Variants in BPTF observed in about 807,000 individuals in gnomAD.
BPTF encodes bromodomain PHD finger transcription factor.
In BPTF, 18 loss-of-function variants were observed where a neutral mutation model predicts 292.5. The observed-to-expected ratio is 0.06, with a 90% CI of 0.04 to 0.09. The LOEUF (loss-of-function observed/expected upper bound fraction) is 0.09. BPTF is among the 10% of genes least tolerant of loss of function. The pLI, the probability that BPTF is intolerant of heterozygous loss-of-function variation, is 1.00. For missense variants in BPTF, 2,726 were observed against 3,498.7 expected, an observed-to-expected ratio of 0.78 and a Z score of 5.57; for synonymous variants, 1,225 against 1,251.9, an observed-to-expected ratio of 0.98 and a Z score of 0.45.
intron 26 of BPTF, among the ~76,000 whole-genome samples, chr17:67,968,385 T>C (rs2068362680): frequency 6.6e-6 from 1 of 151,582 alleles, no homozygotes; most frequent in Non-Finnish European, 1.5e-5. Flanking sequence ...ATATTTCAAA[T>C]TTGGGTAGTC....
At chr17:67,863,270 A>G (rs1223439551) in intron 2 of BPTF, among the ~76,000 whole-genome samples, 1 of 151,890 alleles carries the variant, frequency 6.6e-6, no homozygotes, top group Admixed American at 6.6e-5. Flanking sequence ...TGCTGCCTCT[A>G]TGCTACCTTC....
chr17:67,926,316 CTTTTTT>C (rs869295387), intron 15 of BPTF, among the ~76,000 whole-genome samples: 1 of 83,856 alleles, frequency 1.2e-5, no homozygotes, highest in Non-Finnish European at 2.3e-5. Context: ...TAATATACTA[CTTTTTT>C]TTTTTTTTTT....
chr17:67,937,349 C>T (rs9905126), intron 18 of BPTF, among the ~76,000 whole-genome samples: 11,622 of 148,758 alleles, frequency 0.078, 1,527 homozygotes, highest in African/African-American at 0.27. Context: ...CCCAGCTACT[C>T]GGGAGGCTGA....
chr17:67,836,911 G>A lies in BPTF; in HGVS notation c.613+10574G>A, dbSNP rs928290200. 2.6e-5 allele frequency among the ~76,000 whole-genome samples: 4 copies of A among 152,182 alleles called. No homozygotes were observed. In the East Asian group the frequency reaches 7.7e-4, roughly 29 times the overall value. ...CATACATATTTGAACTTTTGAGTCT[G>A]AATTATCCAGGTGAAATGCATTGGA... On this transcript the variant is annotated intron_variant, in intron 1 of 27. Transcript: ENST00000306378.
In BPTF at chr17:67,975,860, C is replaced by T; in HGVS notation, c.8628C>T (p.Asn2876=). The T allele has an allele frequency of 6.2e-7, 1 of 1,614,028 alleles. No individual in the cohort carries two copies. The highest frequency in any genetic ancestry group is 1.1e-5 in the South Asian group (1 of 91,060). ...FVADMTKIFD[N]CRYYNPSDSP... ...CAGATATGACCAAAATTTTTGATAA[C>T]TGTCGTTACTACAATCCAAGTGACT... The change falls in exon 27 of 28, where the codon AAC becomes AAT. Residue 2876 remains asparagine, a synonymous_variant. Transcript: ENST00000306378.
chr17:67,934,054 A>G (rs930523177), intron 18 of BPTF, among the ~76,000 whole-genome samples: 1 of 150,820 alleles, frequency 6.6e-6, no homozygotes, highest in Non-Finnish European at 1.5e-5. Context: ...CAGAAAAAAG[A>G]AAAAAAAAAT....
chr17:67,850,430 A>G (rs1372264531), intron 1 of BPTF, among the ~76,000 whole-genome samples: 13 of 152,148 alleles, frequency 8.5e-5, no homozygotes, highest in Non-Finnish European at 1.3e-4. Flanking sequence ...TGGCAGTAGC[A>G]TGATCTCGGC....
chr17:67,940,493 C>T lies in BPTF; in HGVS notation c.6314C>T (p.Ala2105Val), dbSNP rs1555671395. The stretch of plus-strand genomic sequence containing the variant: ...ATCAGGGGGCAGCCTGTCTCCACTG[C>T]AGTCTCCGCCCCTAACACGGTTTCC... Reference protein sequence around the residue: ...QIIRGQPVSTAVSAPNTVSST... With the variant: ...QIIRGQPVSTVVSAPNTVSST... Residue 2105 changes from alanine to valine, a missense_variant, in exon 19 of 28, where the codon GCA (alanine) becomes GTA (valine). Around this residue, in one of 22 missense-constraint regions of BPTF, gnomAD observed 570 missense variants for 633.5 expected, o/e 0.90. Coordinates refer to ENST00000306378, the MANE Select transcript of BPTF (RefSeq NM_182641.4). 1 of 1,614,154 alleles carries T rather than the reference C, an allele frequency of 6.2e-7. No individual in the cohort carries two copies. The highest frequency in any genetic ancestry group is 8.5e-7 in the Non-Finnish European group (1 of 1,180,024).
chr17:67,858,648 ACTCTGTAT>A (rs1308887287), intron 2 of BPTF, among the ~76,000 whole-genome samples: 2 of 151,736 alleles, frequency 1.3e-5, no homozygotes, highest in African/African-American at 4.9e-5. Flanking sequence ...CGGTGCTTGT[ACTCTGTAT>A]AGACATTCAG....
chr17:67,958,480 G>A (rs1408879570), intron 23 of BPTF, among the ~76,000 whole-genome samples: 1 of 152,030 alleles, frequency 6.6e-6, no homozygotes, highest in Non-Finnish European at 1.5e-5. Flanking sequence ...GTAATCCCAG[G>A]ACTTTGGAAG....
chr17:67,898,611 A>G (rs1309536920), intron 7 of BPTF, among the ~76,000 whole-genome samples: 1 of 149,766 alleles, frequency 6.7e-6, no homozygotes, highest in South Asian at 2.1e-4. Flanking sequence ...CACTTGGCCT[A>G]TTTATTCATT....
intron 13 of BPTF, 75 bp from the exon 14 acceptor site, chr17:67,922,765 C>T: frequency 6.7e-7 from 1 of 1,487,166 alleles, no homozygotes; most frequent in East Asian, 2.4e-5. Flanking sequence ...ACCACTTTTT[C>T]ATGATAGAAG....
At position 67,909,608 on chromosome 17, in the gene BPTF, G is replaced by A; in HGVS notation, c.2839G>A (p.Asp947Asn). 1 of 1,569,744 alleles carries A rather than the reference G, an allele frequency of 6.4e-7. No individual in the cohort carries two copies. The highest frequency in any genetic ancestry group is 8.6e-7 in the Non-Finnish European group (1 of 1,163,062). Residue 947 changes from aspartate to asparagine, a missense_variant, in exon 10 of 28, where the codon GAT (aspartate) becomes AAT (asparagine). Around this residue, in one of 22 missense-constraint regions of BPTF, gnomAD observed 713 missense variants for 714.9 expected, o/e 1.00. Coordinates refer to ENST00000306378, the MANE Select transcript of BPTF (RefSeq NM_182641.4). Reference sequence around the variant, plus strand: ...CAAAAATAATATGGATGAAAATATGGATGAGTCAGATAAAAGAAAATGTTC... The same window carrying A: ...CAAAAATAATATGGATGAAAATATGAATGAGTCAGATAAAAGAAAATGTTC... ...GTKNNMDENM[D>N]ESDKRKCSRS...
At chr17:67,878,601 T>C (rs2060188987) in intron 4 of BPTF, among the ~76,000 whole-genome samples, 1 of 152,178 alleles carries the variant, frequency 6.6e-6, no homozygotes, top group Non-Finnish European at 1.5e-5. Context: ...GACATGCTAG[T>C]GGGCATGTAG....
At chr17:67,845,533 G>A (rs879416982) in intron 1 of BPTF, among the ~76,000 whole-genome samples, 5 of 152,216 alleles carry the variant, frequency 3.3e-5, no homozygotes, top group African/African-American at 4.8e-5. Context: ...AGCACTTGGG[G>A]AGGCCCGAGG....
intron 19 of BPTF, among the ~76,000 whole-genome samples, chr17:67,943,608 A>G (rs551064504): frequency 5.3e-5 from 8 of 152,150 alleles, no homozygotes; most frequent in Non-Finnish European, 8.8e-5. Flanking sequence ...GCACGTATTG[A>G]AAGACAAAAT....
At chr17:67,837,741 C>T (rs553656232) in intron 1 of BPTF, among the ~76,000 whole-genome samples, 1 of 152,234 alleles carries the variant, frequency 6.6e-6, no homozygotes, top group South Asian at 2.1e-4. Context: ...TTTCTAGAAT[C>T]TACTAAGGTT....
chr17:67,898,724 G>A (rs1392853291), intron 7 of BPTF, among the ~76,000 whole-genome samples: 1 of 139,774 alleles, frequency 7.2e-6, no homozygotes, highest in East Asian at 2.1e-4. Context: ...TGAAACCCTT[G>A]AAGCATTCCC....
intron 27 of BPTF, chr17:67,981,864 TAA>T (rs201194121): frequency 0.013 from 441 of 34,614 alleles, 6 homozygotes; most frequent in Admixed American, 0.044. Context: ...TCAATGTAAA[TAA>T]ACACACACAC....
Sources: allele counts gnomAD v4.1 joint callset (sites outside exome capture counted in the v4.1 genomes callset), GRCh38; gene constraint gnomAD v4.1.1; regional missense constraint gnomAD v4.1.1; transcripts MANE v1.5; gene names NCBI Gene and HGNC (gene_info 2026-07-23, HGNC 2026-07-21).